Variants in NIPAL3 observed in about 807,000 individuals in gnomAD.
The protein encoded by NIPAL3 is NIPA like domain containing 3.
Under a neutral mutation model 47.2 loss-of-function variants are expected in NIPAL3, and 41 were observed. The observed-to-expected ratio is 0.87, with a 90% CI of 0.68 to 1.13. The LOEUF (loss-of-function observed/expected upper bound fraction) is 1.13, where lower values mean the gene tolerates loss of function less well. Among genes scored for constraint, NIPAL3 ranks in the 50% most tolerant of loss-of-function variants. NIPAL3 has a pLI of 0.00. For synonymous variants in NIPAL3, 194 were observed against 209.6 expected (o/e 0.93, Z 0.64); for missense variants, 449 against 530.1 (o/e 0.85, Z 1.50).
rs1645845331 is a variant in NIPAL3 at position 24,449,706 on chromosome 1, G to A, written c.540+80G>A. 2 of 1,439,368 alleles carry A rather than the reference G, an allele frequency of 1.4e-6. No homozygotes were observed. The highest frequency in any genetic ancestry group is 1.9e-6 in the Non-Finnish European group (2 of 1,061,566). The allele number at this position is 1,439,368 out of a possible 1,614,324, so 89.2% of individuals were successfully genotyped here. A position where few individuals can be genotyped will look rare whatever the true frequency, so the allele number is the denominator to read the frequency against. On this transcript the variant is annotated intron_variant, in intron 6 of 11. Coordinates refer to ENST00000374399, the MANE Select transcript of NIPAL3 (RefSeq NM_020448.5). This position sits in a 1 kb window ranked among gnomAD's most constrained non-coding sequence, Gnocchi z 4.5. Reference sequence around the variant, plus strand: ...TAGAAACCAGAAACGTGAATACCCAGCAATAGGGGATTCCGTGAGTTGCGG... The same window carrying A: ...TAGAAACCAGAAACGTGAATACCCAACAATAGGGGATTCCGTGAGTTGCGG...
chr1:24,448,513 G>A (rs918694150), intron 5 of NIPAL3, among the ~76,000 whole-genome samples: 1 of 152,160 alleles, frequency 6.6e-6, no homozygotes, highest in African/African-American at 2.4e-5. Flanking sequence ...AAAGGTACGT[G>A]TTGAGCTCTG....
At chr1:24,445,862 G>T (rs1645631863) in intron 5 of NIPAL3, among the ~76,000 whole-genome samples, 2 of 152,116 alleles carry the variant, frequency 1.3e-5, no homozygotes, top group Non-Finnish European at 1.5e-5. Flanking sequence ...ATTTTTTTAA[G>T]AAGATTAGCT....
chr1:24,441,768 A>T (rs1263296478), intron 3 of NIPAL3, among the ~76,000 whole-genome samples: 1 of 152,178 alleles, frequency 6.6e-6, no homozygotes. Context: ...TTTCAGGCTC[A>T]TCCACACCTC....
intron 3 of NIPAL3, among the ~76,000 whole-genome samples, chr1:24,440,966 C>G (rs1251955610): frequency 6.6e-6 from 1 of 152,224 alleles, no homozygotes; most frequent in African/African-American, 2.4e-5. Context: ...ATGCACCTTT[C>G]ATCTCTGTTC....
In NIPAL3 at chr1:24,470,606, G is replaced by T. The variant is rs1287020939; in HGVS notation, c.*1421G>T. 6.6e-6 allele frequency: 1 copy of T among 152,146 alleles called. No individual in the cohort carries two copies. The highest frequency in any genetic ancestry group is 1.9e-4 in the East Asian group (1 of 5,194). 9.4% of individuals were successfully genotyped at this position (152,146 alleles called of 1,614,324 possible). A position where few individuals can be genotyped will look rare whatever the true frequency, so the allele number is the denominator to read the frequency against. ...TTAAATACTCCCCATAGGATCTGTG[G>T]CATTTCTCCATCCAATGAATACTAC... On this transcript the variant is annotated 3_prime_UTR_variant, in exon 12 of 12. Coordinates refer to ENST00000374399, the MANE Select transcript of NIPAL3 (RefSeq NM_020448.5).
At position 24,449,653 on chromosome 1, in the gene NIPAL3, C is replaced by T. The variant is rs764572810; in HGVS notation, c.540+27C>T. On this transcript the variant is annotated intron_variant, in intron 6 of 11. Coordinates refer to ENST00000374399, the MANE Select transcript of NIPAL3 (RefSeq NM_020448.5). The surrounding 1 kb of genome is among the most constrained non-coding windows in gnomAD (Gnocchi z 4.5). ...TAAGAGAAGCCTCCAGTCGTTCCCC[C>T]TGAGATGGCAGGAGGGAGATCAAGT... 8.1e-6 allele frequency: 13 copies of T among 1,603,018 alleles called. No homozygotes were observed. In the African/African-American group the frequency reaches 1.7e-4, roughly 21 times the overall value.
Position 24,464,078 on chromosome 1 carries a change from CCCAT to C in NIPAL3, c.980_983del (p.Pro327LeufsTer23), listed in dbSNP as rs1269520269. On this transcript the variant is annotated frameshift_variant, in exon 11 of 12. Transcript: ENST00000374399. LOFTEE classifies it high-confidence loss of function. Reference sequence around the variant, plus strand: ...CTTAATCACGCGTAACAGGAAGAAGCCCATTCCATTTGAGCCCTATATTTCCATG... The same window carrying C: ...CTTAATCACGCGTAACAGGAAGAAGCTCCATTTGAGCCCTATATTTCCATG... 4.3e-6 allele frequency: 7 copies of C among 1,613,558 alleles called. No individual in the cohort carries two copies. The highest frequency in any genetic ancestry group is 1.3e-5 in the African/African-American group (1 of 74,908).
intron 1 of NIPAL3, among the ~76,000 whole-genome samples, chr1:24,418,780 G>A (rs1644177709): frequency 6.6e-6 from 1 of 152,114 alleles, no homozygotes; most frequent in Non-Finnish European, 1.5e-5. Flanking sequence ...CCACCTCCGA[G>A]ACCAGTGTCA....
At position 24,449,887 on chromosome 1, in the gene NIPAL3, T is replaced by C. The variant is rs1645856126; in HGVS notation, c.540+261T>C. 6.6e-6 allele frequency among the ~76,000 whole-genome samples: 1 copy of C among 152,202 alleles called. No homozygotes were observed. Among genetic ancestry groups the C allele is most frequent in the Admixed American group, 6.5e-5 (1 of 15,280 alleles). ...ATTTGACACTAATTACCAAATTGAA[T>C]ATCCACATATCCTATGGAGGAATTC... On this transcript the variant is annotated intron_variant, in intron 6 of 11. Transcript: ENST00000374399. This position sits in a 1 kb window ranked among gnomAD's most constrained non-coding sequence, Gnocchi z 4.5.
intron 2 of NIPAL3, among the ~76,000 whole-genome samples, chr1:24,424,170 G>C (rs1221183397): frequency 1.3e-5 from 2 of 152,198 alleles, no homozygotes; most frequent in Non-Finnish European, 2.9e-5. Flanking sequence ...TGAGGTGAGG[G>C]ACAGGCATGG....
In NIPAL3 at chr1:24,454,119, T is replaced by C. The variant is rs1646077886; in HGVS notation, c.637+615T>C. The stretch of plus-strand genomic sequence containing the variant: ...TTAGCTCTCTGCAGCCTTGACCTCC[T>C]GGCCTCAAGTGATCCCCCTGCCTCG... On this transcript the variant is annotated intron_variant, in intron 7 of 11. Coordinates refer to ENST00000374399, the MANE Select transcript of NIPAL3 (RefSeq NM_020448.5). The surrounding 1 kb of genome is among the most constrained non-coding windows in gnomAD (Gnocchi z 4.1). 2 of 1,169,124 alleles carry C rather than the reference T, an allele frequency of 1.7e-6. No homozygotes were observed. The highest frequency in any genetic ancestry group is 2.7e-5 in the South Asian group (2 of 74,516). The allele number at this position is 1,169,124 out of a possible 1,614,324, so 72.4% of individuals were successfully genotyped here. A position where few individuals can be genotyped will look rare whatever the true frequency, so the allele number is the denominator to read the frequency against.
At chr1:24,422,279 C>G (rs1267664157) in intron 2 of NIPAL3, among the ~76,000 whole-genome samples, 1 of 152,136 alleles carries the variant, frequency 6.6e-6, no homozygotes, top group African/African-American at 2.4e-5. Context: ...ATCTAGGGCT[C>G]TGTTGGGAAG....
intron 8 of NIPAL3, among the ~76,000 whole-genome samples, chr1:24,456,788 A>C (rs1646235007): frequency 1.3e-5 from 2 of 152,116 alleles, no homozygotes; most frequent in South Asian, 4.1e-4. Flanking sequence ...TTTGAGATAG[A>C]GTCTCACTCT....
intron 2 of NIPAL3, among the ~76,000 whole-genome samples, chr1:24,427,382 G>T (rs910613425): frequency 6.6e-6 from 1 of 152,150 alleles, no homozygotes. Flanking sequence ...AAGGGTTTGG[G>T]GGCATAATTA....
intron 11 of NIPAL3, chr1:24,466,165 A>G: frequency 7.0e-7 from 1 of 1,428,168 alleles, no homozygotes; most frequent in Non-Finnish European, 9.6e-7. Context: ...CTAGCCTGGC[A>G]CTCTCAGCCA....
chr1:24,468,868 A>G (rs1646807160), intron 11 of NIPAL3, 118 bp from the exon 12 acceptor site: 1 of 884,220 alleles, frequency 1.1e-6, no homozygotes, highest in Non-Finnish European at 1.8e-6. Flanking sequence ...CAGGAAATTG[A>G]CAATGCACAT....
intron 7 of NIPAL3, among the ~76,000 whole-genome samples, chr1:24,455,399 A>G (rs1646147649): frequency 1.3e-5 from 2 of 152,250 alleles, no homozygotes; most frequent in African/African-American, 4.8e-5. Context: ...AAATTTTATA[A>G]CATGCCTACC....
At chr1:24,428,295 A>AGAGAGAGAGAGAGG (rs1644716918) in intron 2 of NIPAL3, among the ~76,000 whole-genome samples, 1 of 150,000 alleles carries the variant, frequency 6.7e-6, no homozygotes, top group African/African-American at 2.5e-5. Flanking sequence ...AGAGAGAGAG[A>AGAGAGAGAGAGAGG]GAGAGAGACA....
chr1:24,415,121 GACA>G (rs1415363729), upstream of NIPAL3: 1 of 152,200 alleles, frequency 6.6e-6, no homozygotes, highest in Non-Finnish European at 1.5e-5. Context: ...GCGTGTATAT[GACA>G]ACGTGTGAGC....
Sources: gnomAD v4.1 joint callset for allele counts (sites outside exome capture counted in the v4.1 genomes callset) on GRCh38, gnomAD v4.1.1 for gene constraint, Gnocchi (gnomAD v3.1) non-coding constraint, MANE v1.5 for transcripts, NCBI Gene and HGNC (gene_info 2026-07-23, HGNC 2026-07-21) for gene names.